The following STARD13 variants were observed in gnomAD, a reference collection of about 807,000 sequenced individuals.
STARD13 encodes the protein stAR-related lipid transfer protein 13.
STARD13 carries 62 observed loss-of-function variants against 106.4 expected under a neutral mutation model. That is an observed-to-expected ratio of 0.58 (90% confidence interval 0.48 to 0.72). The LOEUF (loss-of-function observed/expected upper bound fraction) is 0.72, where lower values mean the gene tolerates loss of function less well. STARD13 is among the 30% of genes least tolerant of loss of function. The pLI is 0.00. For synonymous variants in STARD13, 565 were observed against 553.0 expected, an observed-to-expected ratio of 1.02 and a Z score of -0.31; for missense variants, 1,387 against 1,424.0, an observed-to-expected ratio of 0.97 and a Z score of 0.42.
chr13:33,132,871 C>G (rs1000497636), intron 4 of STARD13, among the ~76,000 whole-genome samples: 2 of 152,168 alleles, frequency 1.3e-5, no homozygotes, highest in African/African-American at 4.8e-5. Flanking sequence ...CCTACTAGTA[C>G]TTTCTACTCC....
At chr13:33,233,946 G>A (rs1056978733) in intron 1 of STARD13, among the ~76,000 whole-genome samples, 5 of 152,202 alleles carry the variant, frequency 3.3e-5, no homozygotes, top group Admixed American at 1.3e-4. Context: ...ATGGCAGACC[G>A]AATAGGTGGG....
the STARD13 span, among the ~76,000 whole-genome samples, chr13:33,647,547 A>G: frequency 6.6e-6 from 1 of 152,184 alleles, no homozygotes; most frequent in Admixed American, 6.5e-5. Context: ...AAATTGATCT[A>G]ATTCTTCAAA....
chr13:33,225,095 CT>C (rs1311963568), intron 1 of STARD13, among the ~76,000 whole-genome samples: 1 of 152,058 alleles, frequency 6.6e-6, no homozygotes, highest in Non-Finnish European at 1.5e-5. Context: ...ATATTTCTTT[CT>C]TTCTAAACGG....
the STARD13 span, among the ~76,000 whole-genome samples, chr13:33,594,152 G>C: frequency 6.6e-6 from 1 of 152,020 alleles, no homozygotes; most frequent in Admixed American, 6.6e-5. Flanking sequence ...TGATCCTCCT[G>C]CCTCGGCCTC....
At chr13:33,573,139 C>A in the STARD13 span, among the ~76,000 whole-genome samples, 1 of 152,146 alleles carries the variant, frequency 6.6e-6, no homozygotes, top group Non-Finnish European at 1.5e-5. Context: ...CAGGAACAGT[C>A]TAGACTACGG....
At chr13:33,379,411 G>A in the STARD13 span, among the ~76,000 whole-genome samples, 1 of 152,096 alleles carries the variant, frequency 6.6e-6, no homozygotes, top group Non-Finnish European at 1.5e-5. Flanking sequence ...TTAATTGGAA[G>A]GATTATAATG....
At chr13:33,329,590 T>G (rs185644846) in intron 1 of STARD13, among the ~76,000 whole-genome samples, 12 of 152,248 alleles carry the variant, frequency 7.9e-5, no homozygotes, top group Admixed American at 3.9e-4. Context: ...GCTTCATCCA[T>G]GTTGTCACAA....
At chr13:33,596,066 A>T in the STARD13 span, among the ~76,000 whole-genome samples, 1 of 152,232 alleles carries the variant, frequency 6.6e-6, no homozygotes, top group African/African-American at 2.4e-5. Context: ...GGGAATCATT[A>T]TCCAATATGT....
the STARD13 span, among the ~76,000 whole-genome samples, chr13:33,518,112 T>C: frequency 2.6e-5 from 4 of 152,114 alleles, no homozygotes; most frequent in Non-Finnish European, 5.9e-5. Context: ...CAGAAACAAC[T>C]TCCAGGAGCA....
chr13:33,115,420 C>T (rs776199964), intron 8 of STARD13, among the ~76,000 whole-genome samples: 2 of 152,184 alleles, frequency 1.3e-5, no homozygotes, highest in African/African-American at 2.4e-5. Flanking sequence ...TCGTCCAGTT[C>T]GGTGCCTCTT....
upstream of STARD13, among the ~76,000 whole-genome samples, chr13:33,290,494 A>C (rs1241731223): frequency 1.3e-5 from 2 of 152,224 alleles, no homozygotes; most frequent in African/African-American, 4.8e-5. Context: ...CAAGCTGGTG[A>C]CACTAACACT....
At chr13:33,591,115 T>C in the STARD13 span, among the ~76,000 whole-genome samples, 1 of 152,256 alleles carries the variant, frequency 6.6e-6, no homozygotes, top group Non-Finnish European at 1.5e-5. Flanking sequence ...TATTTTCACC[T>C]TACCCACGCA....
chr13:33,113,640 T>C (rs1175284331), intron 8 of STARD13: 8 of 477,000 alleles, frequency 1.7e-5, no homozygotes, highest in Non-Finnish European at 2.9e-5. Context: ...TCTTGGGGTT[T>C]ATGGAAATGG....
chr13:33,587,215 CAA>C, the STARD13 span, among the ~76,000 whole-genome samples: 22 of 96,712 alleles, frequency 2.3e-4, no homozygotes, highest in Admixed American at 1.1e-4. Context: ...GACTCTGTCT[CAA>C]AAAAAAAAAA....
chr13:33,498,249 G>A, the STARD13 span, among the ~76,000 whole-genome samples: 1 of 152,108 alleles, frequency 6.6e-6, no homozygotes, highest in African/African-American at 2.4e-5. Context: ...TAAGAACTTG[G>A]AATTCTCCTC....
At chr13:33,126,323 C>T (rs1877167884) in intron 6 of STARD13, 83 bp from the exon 7 acceptor site, 1 of 1,415,936 alleles carries the variant, frequency 7.1e-7, no homozygotes, top group African/African-American at 1.4e-5. Context: ...TGAGGGAAGC[C>T]AGGCTTTTGT....
At chr13:33,313,658 A>G (rs1330051494) in intron 1 of STARD13, among the ~76,000 whole-genome samples, 3 of 151,960 alleles carry the variant, frequency 2.0e-5, no homozygotes, top group African/African-American at 7.3e-5. Context: ...GCACAATTCC[A>G]CTCCTTCACT....
chr13:33,538,733 T>C, the STARD13 span, among the ~76,000 whole-genome samples: 7 of 151,630 alleles, frequency 4.6e-5, 1 homozygote, highest in African/African-American at 1.7e-4. Flanking sequence ...GATCCACAGA[T>C]GATCCAAATA....
At chr13:33,552,556 A>T in the STARD13 span, among the ~76,000 whole-genome samples, 2 of 152,252 alleles carry the variant, frequency 1.3e-5, no homozygotes, top group African/African-American at 4.8e-5. Flanking sequence ...TACTAAAAAT[A>T]ATCATTGAAT....
Sources: allele counts gnomAD v4.1 joint callset (sites outside exome capture counted in the v4.1 genomes callset), GRCh38; gene constraint gnomAD v4.1.1; transcripts MANE v1.5; gene names NCBI Gene and HGNC (gene_info 2026-07-23, HGNC 2026-07-21).